HHAT: variants seen among roughly 807,000 people sequenced by gnomAD.
The protein encoded by HHAT is protein-cysteine N-palmitoyltransferase HHAT.
In HHAT, 47 loss-of-function variants were observed where a neutral mutation model predicts 70.8. The observed-to-expected ratio is 0.66, with a 90% CI of 0.53 to 0.85. The LOEUF is 0.85. HHAT is among the 40% of genes least tolerant of loss of function. The pLI is 0.00. For synonymous variants in HHAT, 228 were observed against 247.6 expected (o/e 0.92, Z 0.74); for missense variants, 609 against 604.8 (o/e 1.01, Z -0.07).
chr1:210,391,434 C>A (rs538894810), intron 4 of HHAT, among the ~76,000 whole-genome samples: 1 of 151,876 alleles, frequency 6.6e-6, no homozygotes, highest in Admixed American at 6.6e-5. Context: ...AATTTAACTA[C>A]GCTAAAATTA....
chr1:210,458,036 C>T (rs760880006), intron 7 of HHAT, among the ~76,000 whole-genome samples: 35 of 152,118 alleles, frequency 2.3e-4, no homozygotes, highest in Non-Finnish European at 3.5e-4. Context: ...GAATTGAAAT[C>T]ATATAAGTAA....
chr1:210,442,074 C>T (rs1258630388), intron 7 of HHAT, among the ~76,000 whole-genome samples: 1 of 144,000 alleles, frequency 6.9e-6, no homozygotes, highest in African/African-American at 2.6e-5. Flanking sequence ...TTGTTCAGTT[C>T]CCACCTACGA....
chr1:210,428,778 A>C (rs1472326440), intron 7 of HHAT, among the ~76,000 whole-genome samples: 1 of 151,744 alleles, frequency 6.6e-6, no homozygotes, highest in East Asian at 1.9e-4. Flanking sequence ...GGAGTTTGAG[A>C]CCAGCCTGGG....
chr1:210,576,811 C>T (rs1476053529), intron 9 of HHAT, among the ~76,000 whole-genome samples: 8 of 152,142 alleles, frequency 5.3e-5, no homozygotes, highest in African/African-American at 1.4e-4. Flanking sequence ...TCCATGGGCA[C>T]AGCATATCTT....
chr1:210,490,702 TCA>T (rs933551746), intron 8 of HHAT, among the ~76,000 whole-genome samples: 1 of 152,180 alleles, frequency 6.6e-6, no homozygotes, highest in Non-Finnish European at 1.5e-5. Flanking sequence ...GATGGTGGCA[TCA>T]CACCAGAACT....
chr1:210,404,757 T>G, intron 6 of HHAT, 78 bp downstream of exon 6: 1 of 1,196,632 alleles, frequency 8.4e-7, no homozygotes, highest in South Asian at 1.4e-5. Flanking sequence ...CTCTGACTCT[T>G]GAGTCGTTTT....
At chr1:210,436,136 A>G (rs2093368963) in intron 7 of HHAT, among the ~76,000 whole-genome samples, 2 of 151,706 alleles carry the variant, frequency 1.3e-5, no homozygotes, top group African/African-American at 4.9e-5. Flanking sequence ...TAATTTTTGT[A>G]TATGGTGAGA....
intron 7 of HHAT, among the ~76,000 whole-genome samples, chr1:210,440,448 A>G (rs1196557034): frequency 2.0e-5 from 3 of 151,652 alleles, no homozygotes. Context: ...CAGTCCTTGG[A>G]TGTAGCCCAC....
At chr1:210,450,294 T>TGGGGGGGGG (rs11412055) in intron 7 of HHAT, among the ~76,000 whole-genome samples, 1 of 144,696 alleles carries the variant, frequency 6.9e-6, no homozygotes, top group African/African-American at 2.5e-5. Context: ...GCGTCTCAGG[T>TGGGGGGGGG]GGGGGGGGTG....
At chr1:210,502,401 A>AAAAAAAT (rs2094775487) in intron 8 of HHAT, among the ~76,000 whole-genome samples, 1 of 151,648 alleles carries the variant, frequency 6.6e-6, no homozygotes, top group Non-Finnish European at 1.5e-5. Context: ...AAAAAAAAAA[A>AAAAAAAT]ATCTTTCCTA....
chr1:210,516,069 CAAAAG>C (rs1213820141), intron 9 of HHAT, among the ~76,000 whole-genome samples: 10 of 96,374 alleles, frequency 1.0e-4, no homozygotes, highest in African/African-American at 3.5e-4. Context: ...GACTCTGTCT[CAAAAG>C]AAAAAGAAAA....
chr1:210,583,947 ATTTTT>A (rs371722219), intron 9 of HHAT, among the ~76,000 whole-genome samples: 7 of 88,992 alleles, frequency 7.9e-5, no homozygotes, highest in South Asian at 4.8e-4. Flanking sequence ...AGTGCAGCTA[ATTTTT>A]TTTTTTTTTT....
intron 1 of HHAT, among the ~76,000 whole-genome samples, chr1:210,343,352 T>G (rs2015743): frequency 0.61 from 92,689 of 152,002 alleles, 28,456 homozygotes; most frequent in Admixed American, 0.7. Context: ...AAATAGTTAC[T>G]TTTAAGTTTT....
rs758432747 is a variant in HHAT, at chr1:210,404,573, C to G, written c.578C>G (p.Pro193Arg). Residue 193 changes from proline to arginine, a missense_variant, in exon 6 of 12, where the codon CCT (proline) becomes CGT (arginine). Pro to Arg is a moderately radical substitution (Grantham distance 103). Transcript: ENST00000261458. ...CTGGAGCTCTGCTGGCAGCAGCTGCCTGCTGCATCGACCTCCTACTCCTTT... is the reference window on the plus strand; with the variant it reads ...CTGGAGCTCTGCTGGCAGCAGCTGCGTGCTGCATCGACCTCCTACTCCTTT... ...FSLELCWQQLPAASTSYSFPW... is the reference protein window; with the variant it reads ...FSLELCWQQLRAASTSYSFPW... The G allele has an allele frequency of 1.2e-6, 2 of 1,614,084 alleles. No homozygotes were observed. The highest frequency in any genetic ancestry group is 1.7e-5 in the Admixed American group (1 of 60,032).
intron 9 of HHAT, among the ~76,000 whole-genome samples, chr1:210,519,181 A>C (rs1415492721): frequency 6.6e-6 from 1 of 152,210 alleles, no homozygotes; most frequent in African/African-American, 2.4e-5. Context: ...TGGGTATGAC[A>C]AGAGTGACCC....
intron 9 of HHAT, among the ~76,000 whole-genome samples, chr1:210,554,292 G>C (rs900670326): frequency 2.6e-5 from 4 of 152,182 alleles, no homozygotes; most frequent in African/African-American, 9.7e-5. Flanking sequence ...TAATGACTTT[G>C]AGGAAAACTC....
chr1:210,448,744 C>G (rs10863832), intron 7 of HHAT, among the ~76,000 whole-genome samples: 52,565 of 151,960 alleles, frequency 0.35, 9,491 homozygotes, highest in South Asian at 0.47. Flanking sequence ...CTCTAGTTTT[C>G]AGATTTTATG....
intron 10 of HHAT, among the ~76,000 whole-genome samples, chr1:210,596,327 C>T (rs1380417100): frequency 1.3e-5 from 2 of 152,098 alleles, no homozygotes; most frequent in African/African-American, 2.4e-5. Context: ...ATTTGATGTT[C>T]AGTAACCTTC....
At chr1:210,623,284 G>T (rs1280514686) in intron 10 of HHAT, among the ~76,000 whole-genome samples, 1 of 152,104 alleles carries the variant, frequency 6.6e-6, no homozygotes, top group East Asian at 1.9e-4. Flanking sequence ...ATGTTGCCTA[G>T]GCTGGTCTTG....
Sources: gnomAD v4.1 joint callset for allele counts (sites outside exome capture counted in the v4.1 genomes callset) on GRCh38, gnomAD v4.1.1 for gene constraint, MANE v1.5 for transcripts, NCBI Gene and HGNC (gene_info 2026-07-23, HGNC 2026-07-21) for gene names.